The following HECW2 variants were observed in gnomAD, a reference collection of about 807,000 sequenced individuals.
HECW2 encodes the protein HECT, C2 and WW domain containing E3 ubiquitin protein ligase 2, also known as E3 ubiquitin-protein ligase HECW2.
A neutral mutation model predicts 175.2 loss-of-function variants in HECW2; 61 were observed. That is an observed-to-expected ratio of 0.35 (90% CI 0.28 to 0.43). The LOEUF is 0.43. HECW2 is among the 20% of genes least tolerant of loss of function. HECW2 has a pLI of 1.00. For missense variants in HECW2, 1,524 were observed against 2,000.5 expected (o/e 0.76, Z 4.54); for synonymous variants, 671 against 731.0 (o/e 0.92, Z 1.32).
chr2:196,296,661 A>G (rs2105660373), intron 13 of HECW2, among the ~76,000 whole-genome samples: 1 of 152,356 alleles, frequency 6.6e-6, no homozygotes, highest in East Asian at 1.9e-4. Context: ...ATCATTCAAA[A>G]GGATGAAGAA....
chr2:196,527,272 C>G (rs550959301), intron 1 of HECW2, among the ~76,000 whole-genome samples: 48 of 152,346 alleles, frequency 3.2e-4, no homozygotes, highest in Non-Finnish European at 4.9e-4. Context: ...TTCTTTGACT[C>G]GGAAAGGGAA....
At chr2:196,312,247 T>TG (rs60211792) in intron 10 of HECW2, among the ~76,000 whole-genome samples, 5,003 of 87,080 alleles carry the variant, frequency 0.057, 106 homozygotes, top group South Asian at 0.14. Context: ...CAGGGATGGG[T>TG]GGGGGGGTGC....
At position 196,194,201 on chromosome 2, in the gene HECW2, A is replaced by G. The variant is rs1341860308; in HGVS notation, c.*7076T>C. 1 of 151,418 alleles carries G rather than the reference A, an allele frequency of 6.6e-6. No homozygotes were observed. The highest frequency in any genetic ancestry group is 2.4e-5 in the African/African-American group (1 of 41,340). 9.4% of individuals were successfully genotyped at this position (151,418 alleles called of 1,614,324 possible). On this transcript the variant is annotated 3_prime_UTR_variant, in exon 29 of 29. Coordinates refer to ENST00000644978, the MANE Select transcript of HECW2 (RefSeq NM_001348768.2). ...AAAATAAACAAATATTTTATTAATA[A>G]ATAATAAAAATATAAATAAAAATAA...
At chr2:196,530,572 T>A (rs747959827) in intron 1 of HECW2, among the ~76,000 whole-genome samples, 4 of 152,192 alleles carry the variant, frequency 2.6e-5, no homozygotes, top group Non-Finnish European at 5.9e-5. Context: ...TTTCAAATGG[T>A]TTCATGTCTA....
chr2:196,588,457 G>C (rs1691066075), intron 1 of HECW2, among the ~76,000 whole-genome samples: 1 of 152,170 alleles, frequency 6.6e-6, no homozygotes, highest in Admixed American at 6.5e-5. Context: ...CAATAGAATG[G>C]TATTAAAATA....
chr2:196,384,861 TC>T (rs1694304896), intron 2 of HECW2, among the ~76,000 whole-genome samples: 1 of 152,206 alleles, frequency 6.6e-6, no homozygotes, highest in African/African-American at 2.4e-5. Flanking sequence ...CTCAGTAACT[TC>T]ATGAAACTAA....
chr2:196,283,536 A>G (rs1690269352), intron 14 of HECW2, among the ~76,000 whole-genome samples: 1 of 151,610 alleles, frequency 6.6e-6, no homozygotes, highest in Non-Finnish European at 1.5e-5. Context: ...CCACCACGCT[A>G]CCACACCTAA....
At chr2:196,519,469 A>G (rs1386641109) in intron 1 of HECW2, among the ~76,000 whole-genome samples, 1 of 152,246 alleles carries the variant, frequency 6.6e-6, no homozygotes, top group Non-Finnish European at 1.5e-5. Context: ...GAAAATGCAC[A>G]CCTTCTTATT....
chr2:196,229,894 C>A (rs575427335), intron 21 of HECW2, among the ~76,000 whole-genome samples: 1 of 152,174 alleles, frequency 6.6e-6, no homozygotes, highest in South Asian at 2.1e-4. Flanking sequence ...TCTATTGTTT[C>A]CCAATGTACC....
chr2:196,427,518 CTG>C (rs1308462827), intron 2 of HECW2, among the ~76,000 whole-genome samples: 1 of 152,118 alleles, frequency 6.6e-6, no homozygotes, highest in Non-Finnish European at 1.5e-5. Context: ...CCTCTTTAAA[CTG>C]TTTCCATCTG....
intron 26 of HECW2, chr2:196,218,262 A>G (rs1258647379): frequency 1.3e-5 from 2 of 152,300 alleles, no homozygotes; most frequent in East Asian, 1.9e-4. Context: ...GTGTCTCATC[A>G]TATTCTCTCC....
intron 2 of HECW2, among the ~76,000 whole-genome samples, chr2:196,365,378 G>A (rs1196153281): frequency 6.6e-6 from 1 of 152,216 alleles, no homozygotes; most frequent in African/African-American, 2.4e-5. Flanking sequence ...ATCCCATTAT[G>A]AATTTCCTTT....
intron 19 of HECW2, among the ~76,000 whole-genome samples, chr2:196,243,052 T>C (rs910352834): frequency 1.3e-4 from 20 of 152,156 alleles, no homozygotes; most frequent in Admixed American, 9.8e-4. Flanking sequence ...CATAATTACA[T>C]AAATCTCATA....
intron 19 of HECW2, among the ~76,000 whole-genome samples, chr2:196,248,629 C>CAGAG (rs199534761): frequency 2.0e-5 from 3 of 149,652 alleles, no homozygotes; most frequent in African/African-American, 7.6e-5. Flanking sequence ...CACACACACA[C>CAGAG]ACAGAGAGAG....
At chr2:196,513,597 G>A (rs928511295) in intron 1 of HECW2, among the ~76,000 whole-genome samples, 1 of 152,088 alleles carries the variant, frequency 6.6e-6, no homozygotes, top group African/African-American at 2.4e-5. Context: ...TCTTGTTGGT[G>A]AGAAAAAAAT....
intron 17 of HECW2, among the ~76,000 whole-genome samples, chr2:196,261,636 C>T (rs149836832): frequency 3.9e-5 from 6 of 152,286 alleles, no homozygotes; most frequent in Admixed American, 6.5e-5. Context: ...ATGGTCTCAA[C>T]ATTGGTGATT....
At chr2:196,288,756 T>C (rs1690489940) in intron 14 of HECW2, 3 of 152,248 alleles carry the variant, frequency 2.0e-5, no homozygotes, top group Admixed American at 1.3e-4. Context: ...ACCTACCTTA[T>C]AAATTATCAG....
intron 10 of HECW2, among the ~76,000 whole-genome samples, chr2:196,308,953 C>T (rs911508067): frequency 1.3e-5 from 2 of 152,212 alleles, no homozygotes; most frequent in Non-Finnish European, 2.9e-5. Context: ...TATTCTTTAA[C>T]CAGGAAAATT....
chr2:196,271,072 C>A, intron 17 of HECW2, 121 bp downstream of exon 17: 5 of 642,612 alleles, frequency 7.8e-6, no homozygotes, highest in South Asian at 1.9e-5. Context: ...TATTTGCATA[C>A]AAGATGTTTT....
Sources: allele counts gnomAD v4.1 joint callset (sites outside exome capture counted in the v4.1 genomes callset), GRCh38; gene constraint gnomAD v4.1.1; transcripts MANE v1.5; gene names NCBI Gene and HGNC (gene_info 2026-07-23, HGNC 2026-07-21).